Variants in SEC31A observed in about 807,000 individuals in gnomAD.
SEC31A encodes SEC31 homolog A, COPII component.
Under a neutral mutation model 151.0 loss-of-function variants are expected in SEC31A, and 70 were observed. The ratio of observed to expected loss-of-function variants is 0.46; its 90% CI spans 0.38 to 0.57. The LOEUF is 0.57. Among genes scored for constraint, SEC31A ranks in the 20% least tolerant of loss-of-function variants. The pLI is 0.00. For missense variants in SEC31A, 1,330 were observed against 1,471.2 expected, an observed-to-expected ratio of 0.90 and a Z score of 1.57; for synonymous variants, 475 against 505.9, an observed-to-expected ratio of 0.94 and a Z score of 0.82.
At chr4:82,892,604 G>T (rs149625004), upstream of SEC31A, among the ~76,000 whole-genome samples, 19 of 152,296 alleles carry the variant, frequency 1.2e-4, no homozygotes, top group African/African-American at 4.6e-4. Context: ...CTGGGGTCAA[G>T]GAGGCAACAG....
intron 10 of SEC31A, among the ~76,000 whole-genome samples, chr4:82,866,125 G>C (rs1394609938): frequency 2.0e-5 from 3 of 151,848 alleles, no homozygotes; most frequent in Non-Finnish European, 4.4e-5. Context: ...GAGGGAAAGA[G>C]AGACAGAGGG....
At chr4:82,826,241 C>G (rs1194020548) in intron 24 of SEC31A, among the ~76,000 whole-genome samples, 2 of 151,972 alleles carry the variant, frequency 1.3e-5, no homozygotes, top group Non-Finnish European at 2.9e-5. Flanking sequence ...TTTTTAAATA[C>G]AACTCTATAA....
upstream of SEC31A, chr4:82,895,802 C>A (rs1720039343): frequency 6.6e-6 from 1 of 152,208 alleles, no homozygotes; most frequent in Non-Finnish European, 1.5e-5. Context: ...CAAAGGAACT[C>A]ATTGTGCAGA....
rs182600770 is a variant in SEC31A at position 82,856,679 on chromosome 4, A to C, written c.1881+273T>G. 2.4e-4 allele frequency among the ~76,000 whole-genome samples: 36 copies of C among 152,150 alleles called. No homozygotes were observed. In the East Asian group the frequency reaches 4.7e-3, roughly 20 times the overall value. On this transcript the variant is annotated intron_variant, in intron 16 of 26. Coordinates refer to ENST00000395310, the MANE Select transcript of SEC31A (RefSeq NM_001077207.4). ...GGTAGGAGAATCGCTTGAACCCAGA[A>C]GGTGGAGGTTGCAGTGAGTCAAGAT... is the stretch of plus-strand genomic sequence containing the variant.
At chr4:82,884,622 G>A (rs1395780126) in intron 1 of SEC31A, among the ~76,000 whole-genome samples, 1 of 152,110 alleles carries the variant, frequency 6.6e-6, no homozygotes, top group Non-Finnish European at 1.5e-5. Flanking sequence ...TATTCTATGG[G>A]TTTTGACAAA....
intron 18 of SEC31A, among the ~76,000 whole-genome samples, chr4:82,852,559 T>TAA (rs966909306): frequency 1.3e-5 from 2 of 148,158 alleles, no homozygotes; most frequent in Non-Finnish European, 3.0e-5. Flanking sequence ...GAGAAGCTCT[T>TAA]AAAAGGAAAA....
intron 23 of SEC31A, among the ~76,000 whole-genome samples, chr4:82,828,278 G>A (rs1241379608): frequency 2.0e-5 from 3 of 152,148 alleles, no homozygotes; most frequent in African/African-American, 4.8e-5. Context: ...ATGCATGGGC[G>A]TGTATGTGCA....
At chr4:82,841,962 A>G (rs1308154818) in intron 22 of SEC31A, among the ~76,000 whole-genome samples, 178 bp downstream of exon 22, 1 of 151,174 alleles carries the variant, frequency 6.6e-6, no homozygotes, top group Non-Finnish European at 1.5e-5. Context: ...ACAGAGAGAG[A>G]CTCCATCACA....
At chr4:82,845,246 A>C in intron 20 of SEC31A, 1 of 1,535,074 alleles carries the variant, frequency 6.5e-7, no homozygotes, top group Non-Finnish European at 8.7e-7. Flanking sequence ...TGGGAAGGGC[A>C]GTAGGAGTTT....
intron 7 of SEC31A, 38 bp from the exon 8 acceptor site, chr4:82,870,462 T>C (rs1736397325): frequency 6.7e-7 from 1 of 1,496,146 alleles, no homozygotes; most frequent in Non-Finnish European, 9.3e-7. Context: ...ATTTTTAATC[T>C]TGAGAAAACC....
In SEC31A at chr4:82,827,352, T is replaced by C; in HGVS notation, c.3291+17A>G. The C allele has an allele frequency of 6.2e-7, 1 of 1,608,808 alleles. No homozygotes were observed. Among genetic ancestry groups the C allele is most frequent in the Non-Finnish European group, 8.5e-7 (1 of 1,176,126 alleles). On this transcript the variant is annotated intron_variant, in intron 24 of 26. Transcript: ENST00000395310. ...CACAGCCATCTTCCCATTCCACTTC[T>C]ACAAATTTACTGTTACCTGGAAGGT... is the stretch of plus-strand genomic sequence containing the variant.
At position 82,833,533 on chromosome 4, in the gene SEC31A, A is replaced by T. The variant is rs377319844; in HGVS notation, c.2969-4475T>A. 3.4e-3 allele frequency among the ~76,000 whole-genome samples: 78 copies of T among 22,626 alleles called. 1 individual carries two copies. Among genetic ancestry groups the T allele is most frequent in the Admixed American group, 0.027 (27 of 994 alleles). The allele number at this position is 22,626 out of a possible 152,430, so 14.8% of individuals were successfully genotyped here. A position where few individuals can be genotyped will look rare whatever the true frequency, so the allele number is the denominator to read the frequency against. On this transcript the variant is annotated intron_variant, in intron 22 of 26. Transcript: ENST00000395310. ...GCATGTAACCCAAAAGTTAAATTATAAAAAAAAAAAAAAAAATACAGATTT... is the reference window on the plus strand; with the variant it reads ...GCATGTAACCCAAAAGTTAAATTATTAAAAAAAAAAAAAAAATACAGATTT...
rs58373170 is a variant in SEC31A at position 82,841,442 on chromosome 4, T to TTATATATATA, written c.2968+688_2968+697dup. On this transcript the variant is annotated intron_variant, in intron 22 of 26. Coordinates refer to ENST00000395310, the MANE Select transcript of SEC31A (RefSeq NM_001077207.4). ...CATCTCAAAAAAGAAAAAAAAAATT[T>TTATATATATA]TATATATATATATATATATATATAT... 2.3e-3 allele frequency among the ~76,000 whole-genome samples: 150 copies of TTATATATATA among 64,438 alleles called. 5 individuals carry two copies. Among genetic ancestry groups the TTATATATATA allele is most frequent in the South Asian group, 4.8e-3 (8 of 1,684 alleles). 42.3% of individuals were successfully genotyped at this position (64,438 alleles called of 152,430 possible).
chr4:82,871,243 AAAAGTTATCT>A, intron 7 of SEC31A: 1 of 1,274,636 alleles, frequency 7.8e-7, no homozygotes, highest in Non-Finnish European at 1.0e-6. Flanking sequence ...GATTAACGAA[AAAAGTTATCT>A]AACTATATGC....
chr4:82,884,441 T>C (rs922307959), intron 1 of SEC31A, among the ~76,000 whole-genome samples: 1 of 152,204 alleles, frequency 6.6e-6, no homozygotes, highest in East Asian at 1.9e-4. Flanking sequence ...CCTAGAAAAG[T>C]TGAGCCACAA....
At chr4:82,869,926 CTACTGATTTCCAGAAGTGAAAGAG>C (rs1156575472) in intron 8 of SEC31A, among the ~76,000 whole-genome samples, 2 of 152,092 alleles carry the variant, frequency 1.3e-5, no homozygotes, top group South Asian at 4.1e-4. Flanking sequence ...AAAACTGTAT[CTACTGATTTCCAGAAGTGAAAGAG>C]GATCCTCAGG....
chr4:82,892,363 C>G (rs189838481), upstream of SEC31A, among the ~76,000 whole-genome samples: 1 of 152,220 alleles, frequency 6.6e-6, no homozygotes, highest in Non-Finnish European at 1.5e-5. Context: ...AACTGAAAGA[C>G]GTTGAAGCAA....
At chr4:82,837,199 A>ATATACACATAT (rs56888042) in intron 22 of SEC31A, among the ~76,000 whole-genome samples, 1 of 83,132 alleles carries the variant, frequency 1.2e-5, no homozygotes, top group Non-Finnish European at 2.4e-5. Context: ...ATATATATAT[A>ATATACACATAT]ATTTCACCAC....
At position 82,819,135 on chromosome 4, in the gene SEC31A, GTC is replaced by G; in HGVS notation, c.3600_3601del (p.Glu1200AspfsTer17). On this transcript the variant is annotated frameshift_variant, in exon 27 of 27. Coordinates refer to ENST00000395310, the MANE Select transcript of SEC31A (RefSeq NM_001077207.4). LOFTEE classifies it high-confidence loss of function. ...TTTGAGAACTGGCATGAAAGCAGAG[GTC>G]TCACTGAAGTTGCTGGTGCTAACTA... 1 of 1,612,298 alleles carries G rather than the reference GTC, an allele frequency of 6.2e-7. No homozygotes were observed. Among genetic ancestry groups the G allele is most frequent in the Non-Finnish European group, 8.5e-7 (1 of 1,179,160 alleles).
Sources: allele counts gnomAD v4.1 joint callset (sites outside exome capture counted in the v4.1 genomes callset), GRCh38; gene constraint gnomAD v4.1.1; transcripts MANE v1.5; gene names NCBI Gene and HGNC (gene_info 2026-07-23, HGNC 2026-07-21).